Variants in SAMD4B observed in about 807,000 individuals in gnomAD.
SAMD4B encodes protein Smaug homolog 2.
In SAMD4B, 5 loss-of-function variants were observed where a neutral mutation model predicts 74.5. The ratio of observed to expected loss-of-function variants is 0.07; its 90% CI spans 0.04 to 0.14. SAMD4B has a LOEUF of 0.14. Ranked by LOEUF, SAMD4B falls within the 10% of genes least tolerant of loss-of-function variation. The pLI is 1.00. For missense variants in SAMD4B, 608 were observed against 921.8 expected (o/e 0.66, Z 4.41); for synonymous variants, 373 against 374.9 (o/e 1.00, Z 0.06).
Position 39,376,695 on chromosome 19 carries a change from C to T in SAMD4B, c.1018-10C>T, listed in dbSNP as rs772990929. Reference sequence around the variant, plus strand: ...CTCTAGCTTCCTGTCCCCTTCTGCCCTTATCACAGAACGTCACCAAAGGTG... The same window carrying T: ...CTCTAGCTTCCTGTCCCCTTCTGCCTTTATCACAGAACGTCACCAAAGGTG... On this transcript the variant is annotated splice_polypyrimidine_tract_variant and intron_variant, in intron 6 of 13. Coordinates refer to ENST00000610417, the MANE Select transcript of SAMD4B (RefSeq NM_001384574.2). 6.2e-7 allele frequency: 1 copy of T among 1,613,592 alleles called. No homozygotes were observed. The highest frequency in any genetic ancestry group is 1.3e-5 in the African/African-American group (1 of 74,912).
chr19:39,389,798 C>T, downstream of SAMD4B: 1 of 1,613,192 alleles, frequency 6.2e-7, no homozygotes, highest in Non-Finnish European at 8.5e-7. The surrounding 1 kb of genome is among the most constrained non-coding windows in gnomAD (Gnocchi z 5.3). Context: ...GTTTGGATTC[C>T]AGCTTCACCC....
At position 39,380,679 on chromosome 19, in the gene SAMD4B, G is replaced by C. The variant is rs746435701; in HGVS notation, c.1742G>C (p.Arg581Pro). The C allele has an allele frequency of 3.7e-6, 6 of 1,613,330 alleles. No homozygotes were observed. Among genetic ancestry groups the C allele is most frequent in the Non-Finnish European group, 5.1e-6 (6 of 1,179,908 alleles). The change falls in exon 11 of 14, where the codon CGG becomes CCG. Residue 581 changes from arginine (R) to proline (P), a missense_variant. By Grantham distance (103) the Arg-to-Pro change is moderately radical. Transcript: ENST00000610417. Reference sequence around the variant, plus strand: ...CAGCGGCAGTTCCCAATGCCTCCCCGGGCCCTCCCACCCGGCCGGATGGGC... The same window carrying C: ...CAGCGGCAGTTCCCAATGCCTCCCCCGGCCCTCCCACCCGGCCGGATGGGC... ...RTQRQFPMPP[R>P]ALPPGRMGLL...
chr19:39,356,728 T>G lies in SAMD4B; in HGVS notation c.-166T>G. 1.7e-6 allele frequency: 1 copy of G among 571,976 alleles called. No homozygotes were observed. Among genetic ancestry groups the G allele is most frequent in the Non-Finnish European group, 3.1e-6 (1 of 324,408 alleles). The allele number at this position is 571,976 out of a possible 1,614,324, so 35.4% of individuals were successfully genotyped here. A position where few individuals can be genotyped will look rare whatever the true frequency, so the allele number is the denominator to read the frequency against. ...GTGGCTGGACCAAGACCTCCCCCCA[T>G]GTGAGCAGGCTTCCTCCTCCCCCAA... On this transcript the variant is annotated 5_prime_UTR_variant, in exon 3 of 14. An upstream start codon of the reference 5' UTR is lost. Coordinates refer to ENST00000610417, the MANE Select transcript of SAMD4B (RefSeq NM_001384574.2).
intron 12 of SAMD4B, among the ~76,000 whole-genome samples, chr19:39,382,056 G>C (rs769274179): frequency 6.6e-6 from 1 of 152,174 alleles, no homozygotes; most frequent in African/African-American, 2.4e-5. Flanking sequence ...TGCAGAGACA[G>C]ATAAGGCTCG....
At position 39,384,034 on chromosome 19, in the gene SAMD4B, C is replaced by G. The variant is rs1009790457; in HGVS notation, c.*507C>G. ...GGAGCAAGGAGAGGAAGCTCTCTCT[C>G]CTCTCCCTGCTTCCCCTTCACCATT... On this transcript the variant is annotated 3_prime_UTR_variant, in exon 14 of 14. Coordinates refer to ENST00000610417, the MANE Select transcript of SAMD4B (RefSeq NM_001384574.2). 2.5e-6 allele frequency: 1 copy of G among 394,068 alleles called. No individual in the cohort carries two copies. Among genetic ancestry groups the G allele is most frequent in the Non-Finnish European group, 4.6e-6 (1 of 218,674 alleles). The allele number at this position is 394,068 out of a possible 1,614,324, so 24.4% of individuals were successfully genotyped here. A position where few individuals can be genotyped will look rare whatever the true frequency, so the allele number is the denominator to read the frequency against.
chr19:39,386,886 G>A, downstream of SAMD4B: 1 of 856,700 alleles, frequency 1.2e-6, no homozygotes, highest in Non-Finnish European at 2.0e-6. This position sits in a 1 kb window ranked among gnomAD's most constrained non-coding sequence, Gnocchi z 6.1. Context: ...GAGGGGTCTG[G>A]TCTGACTTGG....
At chr19:39,380,156 G>A in intron 10 of SAMD4B, 72 bp downstream of exon 10, 1 of 1,155,004 alleles carries the variant, frequency 8.7e-7, no homozygotes, top group Non-Finnish European at 1.3e-6. Context: ...GTGCTTAGAG[G>A]GGTGATTGTG....
downstream of SAMD4B, chr19:39,385,873 A>C (rs982107117): frequency 1.4e-6 from 2 of 1,446,216 alleles, no homozygotes; most frequent in Non-Finnish European, 1.8e-6. Context: ...TGACTTTATT[A>C]ACAGCAAAGG....
chr19:39,369,439 C>T (rs2077161092), intron 3 of SAMD4B: 1 of 571,848 alleles, frequency 1.7e-6, no homozygotes, highest in Non-Finnish European at 3.1e-6. Flanking sequence ...CATAGTGAGA[C>T]CCCATCTCTT....
intron 3 of SAMD4B, among the ~76,000 whole-genome samples, chr19:39,363,993 G>A (rs1810997933): frequency 6.6e-6 from 1 of 152,214 alleles, no homozygotes; most frequent in African/African-American, 2.4e-5. Flanking sequence ...AATTACTTGG[G>A]CCAGTTCCAG....
In SAMD4B at chr19:39,375,982, C is replaced by T; in HGVS notation, c.907+93C>T. 1 of 1,506,240 alleles carries T rather than the reference C, an allele frequency of 6.6e-7. No individual in the cohort carries two copies. Among genetic ancestry groups the T allele is most frequent in the Non-Finnish European group, 8.9e-7 (1 of 1,121,158 alleles). The allele number at this position is 1,506,240 out of a possible 1,614,324, so 93.3% of individuals were successfully genotyped here. On this transcript the variant is annotated intron_variant, in intron 5 of 13. Coordinates refer to ENST00000610417, the MANE Select transcript of SAMD4B (RefSeq NM_001384574.2). This position sits in a 1 kb window ranked among gnomAD's most constrained non-coding sequence, Gnocchi z 4.1. ...GAGCTTGTAGCTGACACCTGCTTAC[C>T]CCTCTGAGGAGGGGACATGTCTGAG... is the stretch of plus-strand genomic sequence containing the variant.
downstream of SAMD4B, chr19:39,386,309 G>A (rs138845377): frequency 3.2e-4 from 512 of 1,614,022 alleles, no homozygotes; most frequent in African/African-American, 1.5e-3. The surrounding 1 kb of genome is among the most constrained non-coding windows in gnomAD (Gnocchi z 6.1). Context: ...CACTGGCCTC[G>A]TCCCTGTCAC....
chr19:39,389,813 C>T, downstream of SAMD4B: 1 of 1,611,772 alleles, frequency 6.2e-7, no homozygotes, highest in Non-Finnish European at 8.5e-7. This position sits in a 1 kb window ranked among gnomAD's most constrained non-coding sequence, Gnocchi z 5.3. Context: ...TCACCCCTCA[C>T]AGCCCTGCTT....
intron 10 of SAMD4B, among the ~76,000 whole-genome samples, 170 bp downstream of exon 10, chr19:39,380,254 A>T (rs2077879986): frequency 6.6e-6 from 1 of 152,216 alleles, no homozygotes; most frequent in South Asian, 2.1e-4. Flanking sequence ...GAGCTGAAAA[A>T]CAACACATGT....
At chr19:39,370,165 A>C in intron 4 of SAMD4B, 40 bp downstream of exon 4, 1 of 1,538,118 alleles carries the variant, frequency 6.5e-7, no homozygotes, top group Non-Finnish European at 8.8e-7. Flanking sequence ...TGCCTACTTG[A>C]AAAAGGTTGG....
At chr19:39,388,515 C>T (rs573846254), downstream of SAMD4B, 29 of 1,613,000 alleles carry the variant, frequency 1.8e-5, 1 homozygote, top group South Asian at 3.0e-4. Flanking sequence ...CTATCCCAAT[C>T]CCCAAAACTT....
At position 39,356,826 on chromosome 19, in the gene SAMD4B, C is replaced by T; in HGVS notation, c.-68C>T. 2.2e-6 allele frequency: 3 copies of T among 1,378,256 alleles called. No individual in the cohort carries two copies. Among genetic ancestry groups the T allele is most frequent in the Non-Finnish European group, 3.0e-6 (3 of 1,012,212 alleles). 85.4% of individuals were successfully genotyped at this position (1,378,256 alleles called of 1,614,324 possible). On this transcript the variant is annotated 5_prime_UTR_variant, in exon 3 of 14. Coordinates refer to ENST00000610417, the MANE Select transcript of SAMD4B (RefSeq NM_001384574.2). ...GGGGAAAGGTAACAGGAGGCCAGAG[C>T]CGGGACCATGTGACGGCGCTGGCCC...
At chr19:39,353,038 A>C (rs950897694) in intron 1 of SAMD4B, among the ~76,000 whole-genome samples, 1 of 152,214 alleles carries the variant, frequency 6.6e-6, no homozygotes, top group Middle Eastern at 3.4e-3. Context: ...GGAGCTTATT[A>C]CCTCCTCACA....
At position 39,358,662 on chromosome 19, in the gene SAMD4B, G is replaced by C. The variant is rs563778178; in HGVS notation, c.196+1573G>C. Among the ~76,000 whole-genome samples, 3 of 152,148 alleles carry C rather than the reference G, an allele frequency of 2.0e-5. No individual in the cohort carries two copies. The South Asian group carries it at 6.2e-4, about 32-fold the overall frequency. ...ATAATTATATCTACCTTCTAGGGTAGTTGTGAGGATTCAGTGAATTAACAC... is the reference window on the plus strand; with the variant it reads ...ATAATTATATCTACCTTCTAGGGTACTTGTGAGGATTCAGTGAATTAACAC... On this transcript the variant is annotated intron_variant, in intron 3 of 13. Coordinates refer to ENST00000610417, the MANE Select transcript of SAMD4B (RefSeq NM_001384574.2).
Sources: gnomAD v4.1 joint callset for allele counts (sites outside exome capture counted in the v4.1 genomes callset) on GRCh38, gnomAD v4.1.1 for gene constraint, Gnocchi (gnomAD v3.1) non-coding constraint, MANE v1.5 for transcripts, NCBI Gene and HGNC (gene_info 2026-07-23, HGNC 2026-07-21) for gene names.